Variants in NYAP2 observed in about 807,000 individuals in gnomAD.
NYAP2 encodes neuronal tyrosine-phosphorylated phosphoinositide-3-kinase adaptor 2, also known as neuronal tyrosine-phosphorylated phosphoinositide-3-kinase adapter 2.
In NYAP2, 23 loss-of-function variants were observed where a neutral mutation model predicts 50.4. The observed-to-expected ratio is 0.46, with a 90% confidence interval of 0.33 to 0.65. NYAP2 has a LOEUF of 0.65. Ranked by LOEUF, NYAP2 falls within the 30% of genes least tolerant of loss-of-function variation. NYAP2 has a pLI of 0.02. For synonymous variants in NYAP2, 394 were observed against 365.2 expected (o/e 1.08, Z -0.90); for missense variants, 885 against 861.0 (o/e 1.03, Z -0.35).
At chr2:225,658,170 ACACACAGCTTCTCACCAC>A (rs1204953148), downstream of NYAP2, among the ~76,000 whole-genome samples, 8 of 152,170 alleles carry the variant, frequency 5.3e-5, no homozygotes, top group African/African-American at 1.9e-4. Context: ...GAACTCATTA[ACACACAGCTTCTCACCAC>A]CACACAGCTT....
intron 4 of NYAP2, among the ~76,000 whole-genome samples, chr2:225,557,360 C>A (rs1691794895): frequency 6.6e-6 from 1 of 152,120 alleles, no homozygotes; most frequent in Admixed American, 6.6e-5. Context: ...GAAGATATAG[C>A]ATGAATAAGA....
intron 3 of NYAP2, among the ~76,000 whole-genome samples, chr2:225,465,980 C>T (rs1689910678): frequency 6.6e-6 from 1 of 152,150 alleles, no homozygotes; most frequent in Non-Finnish European, 1.5e-5. Flanking sequence ...AATCAGCAGG[C>T]CTATTAAGGC....
At chr2:225,417,576 A>G (rs1200227958) in intron 3 of NYAP2, among the ~76,000 whole-genome samples, 1 of 152,148 alleles carries the variant, frequency 6.6e-6, no homozygotes, top group African/African-American at 2.4e-5. Flanking sequence ...TACAAGGAAG[A>G]TGTTTTAAAA....
chr2:225,685,781 T>C, the NYAP2 span, among the ~76,000 whole-genome samples: 15 of 152,186 alleles, frequency 9.9e-5, no homozygotes, highest in African/African-American at 3.1e-4. Flanking sequence ...TTAAAATATA[T>C]TTTAGTGTGA....
intron 4 of NYAP2, among the ~76,000 whole-genome samples, chr2:225,553,056 A>G (rs1057022572): frequency 6.6e-6 from 1 of 152,228 alleles, no homozygotes; most frequent in African/African-American, 2.4e-5. Flanking sequence ...AGACCAGGAC[A>G]TATCCCTGGC....
intron 5 of NYAP2, among the ~76,000 whole-genome samples, chr2:225,621,624 G>A (rs980823686): frequency 2.6e-5 from 4 of 151,750 alleles, no homozygotes; most frequent in Non-Finnish European, 5.9e-5. Context: ...GAAATTTTAT[G>A]TTATATGTAT....
chr2:225,669,423 G>C, the NYAP2 span, among the ~76,000 whole-genome samples: 1 of 151,912 alleles, frequency 6.6e-6, no homozygotes, highest in South Asian at 2.1e-4. Flanking sequence ...GACAAAAATG[G>C]GCAAAGCTAA....
At chr2:225,462,058 A>G (rs1170254673) in intron 3 of NYAP2, among the ~76,000 whole-genome samples, 3 of 152,220 alleles carry the variant, frequency 2.0e-5, no homozygotes, top group Non-Finnish European at 2.9e-5. Context: ...GTCTGTCTGT[A>G]TGTCATATAA....
At chr2:225,493,800 C>T (rs1690453329) in intron 3 of NYAP2, among the ~76,000 whole-genome samples, 1 of 152,170 alleles carries the variant, frequency 6.6e-6, no homozygotes, top group African/African-American at 2.4e-5. Flanking sequence ...TGCTAATTTC[C>T]ATGGTGGAAA....
downstream of NYAP2, among the ~76,000 whole-genome samples, chr2:225,656,151 T>C (rs142342434): frequency 6.6e-6 from 1 of 152,158 alleles, no homozygotes; most frequent in Non-Finnish European, 1.5e-5. Flanking sequence ...AGGTCACTTG[T>C]AATTTCCTTT....
chr2:225,418,126 T>C (rs1574604407), intron 3 of NYAP2, among the ~76,000 whole-genome samples: 1 of 151,866 alleles, frequency 6.6e-6, no homozygotes, highest in Non-Finnish European at 1.5e-5. Flanking sequence ...AAGTAATAAG[T>C]GAGGAGAGAA....
At chr2:225,458,069 A>AG (rs1434425886) in intron 3 of NYAP2, among the ~76,000 whole-genome samples, 1 of 152,160 alleles carries the variant, frequency 6.6e-6, no homozygotes, top group Non-Finnish European at 1.5e-5. Flanking sequence ...AGAAAAAAAA[A>AG]CGATACGCAC....
chr2:225,495,105 G>A (rs1361116104), intron 3 of NYAP2, among the ~76,000 whole-genome samples: 1 of 152,110 alleles, frequency 6.6e-6, no homozygotes, highest in East Asian at 1.9e-4. Flanking sequence ...AATATTAGTA[G>A]GTCAATTATT....
chr2:225,604,899 CCTTA>C (rs1187270296), intron 5 of NYAP2, among the ~76,000 whole-genome samples: 3 of 152,038 alleles, frequency 2.0e-5, no homozygotes, highest in African/African-American at 7.2e-5. Flanking sequence ...ACTCTTTCTG[CCTTA>C]CTTTTTACAT....
intron 3 of NYAP2, among the ~76,000 whole-genome samples, chr2:225,417,974 T>C (rs1165808176): frequency 1.3e-5 from 2 of 151,114 alleles, no homozygotes; most frequent in Non-Finnish European, 2.9e-5. Context: ...CAAGTAAATA[T>C]AGAGTAAGTG....
rs570227970 is a variant in NYAP2 at position 225,549,224 on chromosome 2, A to G, written c.524-32717A>G. Among the ~76,000 whole-genome samples the G allele has an allele frequency of 2.6e-5, 4 of 152,292 alleles. No homozygotes were observed. The East Asian group carries it at 7.7e-4, about 29-fold the overall frequency. ...ATAGTTTTCTCTACTTCCAAGAATG[A>G]GACACAAAACCTATTTCCTAGTTTA... On this transcript the variant is annotated intron_variant, in intron 4 of 6. Coordinates refer to ENST00000636099, the Ensembl canonical transcript of NYAP2.
the NYAP2 span, chr2:225,700,211 A>G: frequency 6.6e-6 from 1 of 151,828 alleles, no homozygotes; most frequent in African/African-American, 2.4e-5. Context: ...TTTATAATTA[A>G]TGTGTATTTT....
intron 3 of NYAP2, among the ~76,000 whole-genome samples, chr2:225,502,178 A>C (rs912204862): frequency 1.3e-5 from 2 of 152,234 alleles, no homozygotes; most frequent in African/African-American, 4.8e-5. Flanking sequence ...ACTGTAGAGA[A>C]AGATCAGCTA....
chr2:225,478,877 A>C (rs144377768), intron 3 of NYAP2, among the ~76,000 whole-genome samples: 1 of 152,324 alleles, frequency 6.6e-6, no homozygotes, highest in East Asian at 1.9e-4. Context: ...GTATAGGAGC[A>C]TGATCTGAAT....
Sources: gnomAD v4.1 joint callset for allele counts (sites outside exome capture counted in the v4.1 genomes callset) on GRCh38, gnomAD v4.1.1 for gene constraint, MANE v1.5 for transcripts, NCBI Gene and HGNC (gene_info 2026-07-23, HGNC 2026-07-21) for gene names.